NRXN1: variants seen among roughly 807,000 people sequenced by gnomAD.
NRXN1 encodes the protein neurexin 1, also known as neurexin-1.
NRXN1 carries 39 observed loss-of-function variants against 150.9 expected under a neutral mutation model. That is an observed-to-expected ratio of 0.26 (90% confidence interval 0.20 to 0.34). The LOEUF (loss-of-function observed/expected upper bound fraction) is 0.34, where lower values mean the gene tolerates loss of function less well. Among genes scored for constraint, NRXN1 ranks in the 10% least tolerant of loss-of-function variants. The pLI is 1.00. For missense variants in NRXN1, 1,815 were observed against 1,949.9 expected (o/e 0.93, Z 1.30); for synonymous variants, 924 against 757.0 (o/e 1.22, Z -3.62).
chr2:50,069,449 G>A (rs1329947196), intron 19 of NRXN1, among the ~76,000 whole-genome samples: 7 of 152,130 alleles, frequency 4.6e-5, no homozygotes, highest in Non-Finnish European at 8.8e-5. Context: ...GGATTTTCAT[G>A]AGGAAATTAA....
At position 50,316,485 on chromosome 2, in the gene NRXN1, C is replaced by T. The variant is rs112322657; in HGVS notation, c.3365-79515G>A. Among the ~76,000 whole-genome samples, 11 of 152,138 alleles carry T rather than the reference C, an allele frequency of 7.2e-5. 1 individual carries two copies. Among genetic ancestry groups the T allele is most frequent in the African/African-American group, 2.6e-4 (11 of 41,524 alleles). On this transcript the variant is annotated intron_variant, in intron 17 of 22. Transcript: ENST00000401669. Reference sequence around the variant, plus strand: ...ATCTTGCCACATGCAACCAGTATAGCCATTTGCACAATAAGAATCACATTA... The same window carrying T: ...ATCTTGCCACATGCAACCAGTATAGTCATTTGCACAATAAGAATCACATTA...
chr2:50,275,230 G>A (rs2070287308), intron 17 of NRXN1, among the ~76,000 whole-genome samples: 1 of 152,254 alleles, frequency 6.6e-6, no homozygotes, highest in Middle Eastern at 3.4e-3. Flanking sequence ...AACAGTCACA[G>A]AATAAACCAA....
chr2:50,879,393 T>C (rs1220467783), intron 5 of NRXN1, among the ~76,000 whole-genome samples: 1 of 151,960 alleles, frequency 6.6e-6, no homozygotes, highest in Non-Finnish European at 1.5e-5. Flanking sequence ...TTTTTCTCTC[T>C]TAAATTAGTG....
intron 8 of NRXN1, among the ~76,000 whole-genome samples, chr2:50,618,549 T>A (rs1679417991): frequency 6.6e-6 from 1 of 152,016 alleles, no homozygotes; most frequent in East Asian, 1.9e-4. Context: ...CTATGGTAGT[T>A]AAGAGCACAA....
At position 50,411,224 on chromosome 2, in the gene NRXN1, C is replaced by T. The variant is rs1052846816; in HGVS notation, c.3364+54218G>A. On this transcript the variant is annotated intron_variant, in intron 17 of 22. Coordinates refer to ENST00000401669, the MANE Select transcript of NRXN1 (RefSeq NM_001330078.2). ...ATATTTTTTGGTGGAGACGGGGTTT[C>T]GCCGTGTTGGCCGGGCTGGTCTCCA... is the stretch of plus-strand genomic sequence containing the variant. 9.9e-5 allele frequency among the ~76,000 whole-genome samples: 15 copies of T among 152,258 alleles called. No individual in the cohort carries two copies. In the South Asian group the frequency reaches 1.0e-3, roughly 11 times the overall value.
intron 21 of NRXN1, among the ~76,000 whole-genome samples, chr2:50,039,466 A>G (rs903361206): frequency 6.6e-6 from 1 of 151,610 alleles, no homozygotes; most frequent in Admixed American, 6.5e-5. Context: ...ACTTGGTCTC[A>G]TAAGTAACTA....
rs1181968209 is a variant in NRXN1, at chr2:50,965,786, T to C, written c.773-39831A>G. Among the ~76,000 whole-genome samples, 3 of 151,634 alleles carry C rather than the reference T, an allele frequency of 2.0e-5. No homozygotes were observed. In the Admixed American group the frequency reaches 2.0e-4, roughly 10 times the overall value. On this transcript the variant is annotated intron_variant, in intron 2 of 22. Transcript: ENST00000401669. ...AAAAGAAATAAAGAAAACATTATAC[T>C]ATTTTAAAGGAAACGCTTAAAATTT...
intron 17 of NRXN1, among the ~76,000 whole-genome samples, chr2:50,430,698 A>C (rs2084899652): frequency 6.6e-6 from 1 of 152,120 alleles, no homozygotes. Context: ...AGTCTTAGTT[A>C]ATGTGTTTCT....
At chr2:50,738,672 G>A (rs1178285164) in intron 5 of NRXN1, among the ~76,000 whole-genome samples, 1 of 152,090 alleles carries the variant, frequency 6.6e-6, no homozygotes, top group Non-Finnish European at 1.5e-5. Context: ...TTAAATTTGG[G>A]GAGTGGGAGG....
intron 6 of NRXN1, 62 bp from the exon 7 acceptor site, chr2:50,621,311 T>A: frequency 7.8e-7 from 1 of 1,278,872 alleles, no homozygotes; most frequent in Non-Finnish European, 1.1e-6. Flanking sequence ...GATCGTTACT[T>A]AAAAAATATG....
At chr2:50,252,453 T>C (rs764116611) in intron 17 of NRXN1, among the ~76,000 whole-genome samples, 5 of 151,840 alleles carry the variant, frequency 3.3e-5, no homozygotes, top group Admixed American at 6.6e-5. Context: ...GAGACAGGGT[T>C]TTGCCATGTT....
At chr2:50,269,976 T>A (rs755538146) in intron 17 of NRXN1, among the ~76,000 whole-genome samples, 33 of 152,134 alleles carry the variant, frequency 2.2e-4, no homozygotes, top group South Asian at 6.2e-4. Context: ...AAAACAAAAT[T>A]AAATTAAATT....
chr2:51,018,459 A>G (rs1669087477), intron 2 of NRXN1, among the ~76,000 whole-genome samples: 1 of 152,056 alleles, frequency 6.6e-6, no homozygotes. Context: ...CTTTCCAATA[A>G]TAGTTTCTCA....
chr2:50,288,311 G>C (rs1382545460), intron 17 of NRXN1, among the ~76,000 whole-genome samples: 1 of 152,030 alleles, frequency 6.6e-6, no homozygotes, highest in Non-Finnish European at 1.5e-5. Context: ...CTAGCATCTA[G>C]TAGGTAAAGG....
At chr2:49,924,395 T>TAAGA (rs1668731286) in intron 22 of NRXN1, among the ~76,000 whole-genome samples, 1 of 152,206 alleles carries the variant, frequency 6.6e-6, no homozygotes, top group African/African-American at 2.4e-5. Flanking sequence ...TTTTGTATAC[T>TAAGA]AAGAATAGAC....
In NRXN1 at chr2:50,711,910, C is replaced by A. The variant is rs548570216; in HGVS notation, c.833-88295G>T. On this transcript the variant is annotated intron_variant, in intron 5 of 22. Coordinates refer to ENST00000401669, the MANE Select transcript of NRXN1 (RefSeq NM_001330078.2). ...ACTGAGTGAGGCAAGAAGCCCATCA[C>A]CAGACACCAGACGCCGGCACCTTGA... Among the ~76,000 whole-genome samples, 18 of 152,222 alleles carry A rather than the reference C, an allele frequency of 1.2e-4. No individual in the cohort carries two copies. The South Asian group carries it at 3.5e-3, about 30-fold the overall frequency.
At chr2:50,828,372 AC>A (rs1205802025) in intron 5 of NRXN1, among the ~76,000 whole-genome samples, 1 of 127,882 alleles carries the variant, frequency 7.8e-6, no homozygotes, top group African/African-American at 3.1e-5. Context: ...GCGGGGGCTG[AC>A]CCCCACCTCC....
intron 5 of NRXN1, among the ~76,000 whole-genome samples, chr2:50,662,771 AT>A (rs1422655282): frequency 3.9e-5 from 6 of 151,984 alleles, no homozygotes; most frequent in Non-Finnish European, 8.8e-5. Flanking sequence ...GATCAGGGAA[AT>A]TTCTGTATCA....
At chr2:50,523,290 C>T (rs7581256) in intron 12 of NRXN1, among the ~76,000 whole-genome samples, 27,746 of 152,040 alleles carry the variant, frequency 0.18, 3,419 homozygotes, top group East Asian at 0.38. Flanking sequence ...TCCCTTATTC[C>T]TTGAGCAGCT....
Sources: allele counts gnomAD v4.1 joint callset (sites outside exome capture counted in the v4.1 genomes callset), GRCh38; gene constraint gnomAD v4.1.1; transcripts MANE v1.5; gene names NCBI Gene and HGNC (gene_info 2026-07-23, HGNC 2026-07-21).